Variants in PFKL observed in about 807,000 individuals in gnomAD.
The protein encoded by PFKL is ATP-dependent 6-phosphofructokinase, liver type.
In PFKL, 74 loss-of-function variants were observed where a neutral mutation model predicts 92.1. The ratio of observed to expected loss-of-function variants is 0.80; its 90% CI spans 0.67 to 0.97. The LOEUF (loss-of-function observed/expected upper bound fraction) is 0.97. PFKL is among the 50% of genes least tolerant of loss of function. The pLI is 0.00. For synonymous variants in PFKL, 494 were observed against 456.4 expected (o/e 1.08, Z -1.05); for missense variants, 1,028 against 1,116.6 (o/e 0.92, Z 1.13).
intron 21 of PFKL, 77 bp from the exon 22 acceptor site, chr21:44,326,638 G>C (rs191952545): frequency 5.0e-6 from 6 of 1,197,618 alleles, no homozygotes; most frequent in East Asian, 2.7e-5. Flanking sequence ...CGGGGGGGGT[G>C]GGGGGGCTGG....
intron 21 of PFKL, among the ~76,000 whole-genome samples, 194 bp downstream of exon 21, chr21:44,326,458 A>G (rs1259522921): frequency 6.6e-6 from 1 of 152,198 alleles, no homozygotes; most frequent in African/African-American, 2.4e-5. Context: ...AACACTGGGC[A>G]ATCCTTTCGG....
At chr21:44,316,387 C>A (rs200483921) in intron 8 of PFKL, 45 bp from the exon 9 acceptor site, 2 of 1,611,354 alleles carry the variant, frequency 1.2e-6, no homozygotes, top group Non-Finnish European at 1.7e-6. Flanking sequence ...TCCTCTAGGC[C>A]GTGTGGGCTG....
At chr21:44,306,570 A>C in intron 1 of PFKL, 111 bp from the exon 2 acceptor site, 1 of 826,538 alleles carries the variant, frequency 1.2e-6, no homozygotes. Flanking sequence ...CCGCCCTCTG[A>C]GATGGACAGG....
Position 44,313,089 on chromosome 21 carries a change from C to G in PFKL, c.539C>G (p.Ser180Trp). 6.2e-7 allele frequency: 1 copy of G among 1,613,088 alleles called. No individual in the cohort carries two copies. The highest frequency in any genetic ancestry group is 8.5e-7 in the Non-Finnish European group (1 of 1,179,924). ...CGTDMTIGTD[S>W]ALHRIMEVID... The stretch of plus-strand genomic sequence containing the variant: ...ACCGACATGACCATCGGCACGGACT[C>G]GGCCCTCCACCGCATCATGGAGGTC... The change falls in exon 5 of 22, where the codon TCG becomes TGG. Residue 180 changes from serine to tryptophan, a missense_variant. Ser to Trp is a radical substitution (Grantham distance 177). Transcript: ENST00000349048.
rs758654217 is a variant in PFKL at position 44,314,008 on chromosome 21, A to G, written c.734A>G (p.Glu245Gly). 1.2e-6 allele frequency: 2 copies of G among 1,604,836 alleles called. No individual in the cohort carries two copies. The highest frequency in any genetic ancestry group is 1.7e-6 in the Non-Finnish European group (2 of 1,176,950). ...GACGGCTGGGAGAACTTCATGTGTGAGAGGCTGGGTGAGGTGGGTGCCGTC... is the reference window on the plus strand; with the variant it reads ...GACGGCTGGGAGAACTTCATGTGTGGGAGGCTGGGTGAGGTGGGTGCCGTC... Reference protein sequence around the residue: ...PEDGWENFMCERLGETRSRGS... With the variant: ...PEDGWENFMCGRLGETRSRGS... The change falls in exon 7 of 22, where the codon GAG becomes GGG. Residue 245 changes from glutamate to glycine, a missense_variant. Coordinates refer to ENST00000349048, the MANE Select transcript of PFKL (RefSeq NM_002626.6).
chr21:44,324,953 G>T lies in PFKL; in HGVS notation c.1877+36G>T, dbSNP rs58891064. ...CGTGGGTCCCTGGCCACAGCTGCGC[G>T]TCCAACTCTCGGGGCTGGGGTGGGG... On this transcript the variant is annotated intron_variant, in intron 18 of 21. Transcript: ENST00000349048. The T allele has an allele frequency of 0.017, 26,639 of 1,566,156 alleles. 3,762 individuals are homozygous for T. The African/African-American group carries it at 0.31, about 18-fold the overall frequency.
At position 44,321,770 on chromosome 21, in the gene PFKL, G is replaced by A. The variant is rs142622427; in HGVS notation, c.1233G>A (p.Ala411=). ...SLAILNVGAP[A]AGMNAAVRSA... is the part of the protein sequence containing the mutation. ...CCATCCTGAATGTGGGGGCCCCGGC[G>A]GCTGGCATGAATGCGGCCGTGCGCT... Residue 411 remains alanine, a synonymous_variant, in exon 13 of 22, where the codon GCG becomes GCA. Transcript: ENST00000349048. The A allele has an allele frequency of 1.6e-5, 26 of 1,596,554 alleles. No homozygotes were observed. In the East Asian group the frequency reaches 2.1e-4, roughly 13 times the overall value.
In PFKL at chr21:44,314,185, G is replaced by C. The variant is rs113495042; in HGVS notation, c.747+164G>C. 4.3e-4 allele frequency: 261 copies of C among 609,952 alleles called. 3 individuals are homozygous for C. In the African/African-American group the frequency reaches 4.3e-3, roughly 10 times the overall value. 37.8% of individuals were successfully genotyped at this position (609,952 alleles called of 1,614,324 possible). ...GGACACGCAAGGAGTGGGGGGCTAC[G>C]GGGCTGACCTCAGTGAGGCACCTGT... On this transcript the variant is annotated intron_variant, in intron 7 of 21. Transcript: ENST00000349048.
At chr21:44,317,698 G>C (rs1042244423) in intron 9 of PFKL, among the ~76,000 whole-genome samples, 19 of 152,224 alleles carry the variant, frequency 1.2e-4, no homozygotes, top group Admixed American at 6.5e-4. Context: ...TGGGTGCTGC[G>C]AAGGGGCCAG....
In PFKL at chr21:44,325,156, C is replaced by T. The variant is rs201972839; in HGVS notation, c.1881C>T (p.Asn627=). 1.5e-4 allele frequency: 246 copies of T among 1,607,274 alleles called. No homozygotes were observed. The highest frequency in any genetic ancestry group is 2.0e-4 in the Non-Finnish European group (230 of 1,174,510). ...CAGGCCCTGCTGCCCCTCTCAGGAACGAGAAGTGCCATGACTACTACACCA... is the reference window on the plus strand; with the variant it reads ...CAGGCCCTGCTGCCCCTCTCAGGAATGAGAAGTGCCATGACTACTACACCA... ...TDIQRGLVLR[N]EKCHDYYTTE... Residue 627 remains asparagine, a synonymous_variant, in exon 19 of 22, where the codon AAC becomes AAT. Coordinates refer to ENST00000349048, the MANE Select transcript of PFKL (RefSeq NM_002626.6).
At chr21:44,319,317 C>G in intron 10 of PFKL, 34 bp from the exon 11 acceptor site, 1 of 1,587,638 alleles carries the variant, frequency 6.3e-7, no homozygotes, top group East Asian at 2.2e-5. Context: ...GGGCCAGGCT[C>G]TCCATAGTCT....
chr21:44,326,943 T>A lies in PFKL; in HGVS notation c.*81T>A. On this transcript the variant is annotated 3_prime_UTR_variant, in exon 22 of 22. Transcript: ENST00000349048. ...GGCTCAGATGGGGCCTGGGCTGTTG[T>A]GTCTGGAGCCTGCAGGCAGGTGGGG... The A allele has an allele frequency of 7.4e-7, 1 of 1,347,410 alleles. No homozygotes were observed. The highest frequency in any genetic ancestry group is 1.0e-6 in the Non-Finnish European group (1 of 967,758). The allele number at this position is 1,347,410 out of a possible 1,614,324, so 83.5% of individuals were successfully genotyped here. A position where few individuals can be genotyped will look rare whatever the true frequency, so the allele number is the denominator to read the frequency against.
chr21:44,312,917 T>G, intron 4 of PFKL, 61 bp from the exon 5 acceptor site: 1 of 1,554,890 alleles, frequency 6.4e-7, no homozygotes, highest in Non-Finnish European at 8.8e-7. Flanking sequence ...GAGAGGGGTC[T>G]CTGGCCCTGT....
intron 7 of PFKL, 86 bp downstream of exon 7, chr21:44,314,107 A>G: frequency 1.1e-6 from 1 of 883,950 alleles, no homozygotes; most frequent in East Asian, 2.6e-5. Context: ...GCCTTGACCA[A>G]CTCATCTATC....
intron 1 of PFKL, among the ~76,000 whole-genome samples, chr21:44,303,604 G>T (rs529152339): frequency 1.3e-5 from 2 of 152,014 alleles, no homozygotes; most frequent in Non-Finnish European, 2.9e-5. Context: ...TTGGTTTCCT[G>T]TTATCGCAGG....
intron 9 of PFKL, among the ~76,000 whole-genome samples, chr21:44,317,505 A>C (rs146260978): frequency 1.2e-3 from 179 of 152,254 alleles, no homozygotes; most frequent in African/African-American, 4.2e-3. Flanking sequence ...GCCTGGGGTG[A>C]TGGAAATGCC....
chr21:44,324,871 A>G lies in PFKL; in HGVS notation c.1831A>G (p.Met611Val), dbSNP rs780009244. The change falls in exon 18 of 22, where the codon ATG becomes GTG. Residue 611 changes from methionine to valine, a missense_variant. Met to Val is a conservative substitution (Grantham distance 21). Coordinates refer to ENST00000349048, the MANE Select transcript of PFKL (RefSeq NM_002626.6). ...IHDLKVNVEHMTEKMKTDIQR... is the reference protein window; with the variant it reads ...IHDLKVNVEHVTEKMKTDIQR... ...CCTCCCGCAGGTCAACGTGGAGCAC[A>G]TGACGGAGAAGATGAAGACAGACAT... 21 of 1,608,506 alleles carry G rather than the reference A, an allele frequency of 1.3e-5. No homozygotes were observed. In the African/African-American group the frequency reaches 1.7e-4, roughly 13 times the overall value.
At chr21:44,318,087 C>A (rs557080695) in intron 9 of PFKL, among the ~76,000 whole-genome samples, 1 of 152,364 alleles carries the variant, frequency 6.6e-6, no homozygotes, top group South Asian at 2.1e-4. Flanking sequence ...TGCGGACACA[C>A]ACCAGGGAAG....
At chr21:44,323,653 G>A in intron 15 of PFKL, 113 bp from the exon 16 acceptor site, 1 of 1,175,078 alleles carries the variant, frequency 8.5e-7, no homozygotes, top group Non-Finnish European at 1.2e-6. Context: ...GTCCAGCACG[G>A]GGCACATGAC....
Sources: gnomAD v4.1 joint callset for allele counts (sites outside exome capture counted in the v4.1 genomes callset) on GRCh38, gnomAD v4.1.1 for gene constraint, MANE v1.5 for transcripts, NCBI Gene and HGNC (gene_info 2026-07-23, HGNC 2026-07-21) for gene names.